Variants in MICAL2 observed in about 807,000 individuals in gnomAD.
The protein encoded by MICAL2 is microtubule associated monooxygenase, calponin and LIM domain containing 2, also known as [F-actin]-monooxygenase MICAL2.
In MICAL2, 77 loss-of-function variants were observed where a neutral mutation model predicts 127.3. The observed-to-expected ratio is 0.60, with a 90% CI of 0.50 to 0.73. The LOEUF (loss-of-function observed/expected upper bound fraction) is 0.73. Ranked by LOEUF, MICAL2 falls within the 30% of genes least tolerant of loss-of-function variation. The pLI is 0.00. For synonymous variants in MICAL2, 570 were observed against 551.1 expected (o/e 1.03, Z -0.48); for missense variants, 1,351 against 1,434.4 (o/e 0.94, Z 0.94).
At chr11:12,345,116 C>CAAAAAAAAAAAAAAA (rs796748173) in intron 32 of MICAL2, among the ~76,000 whole-genome samples, 3 of 110,568 alleles carry the variant, frequency 2.7e-5, no homozygotes, top group African/African-American at 1.0e-4. Context: ...GAATCCATCT[C>CAAAAAAAAAAAAAAA]AAAAAAAAAA....
At chr11:12,301,998 G>T (rs937883377) in intron 29 of MICAL2, among the ~76,000 whole-genome samples, 6 of 152,194 alleles carry the variant, frequency 3.9e-5, no homozygotes, top group Non-Finnish European at 8.8e-5. Flanking sequence ...CTGTCATCCC[G>T]TGTCGGCTAA....
chr11:12,221,789 G>A (rs2134276659), intron 10 of MICAL2, 30 bp downstream of exon 10: 1 of 1,581,470 alleles, frequency 6.3e-7, no homozygotes, highest in Non-Finnish European at 8.7e-7. Context: ...CTCCTAACTG[G>A]GGGGCAGGGC....
intron 4 of MICAL2, among the ~76,000 whole-genome samples, chr11:12,207,527 T>A (rs1199876512): frequency 2.0e-5 from 3 of 152,152 alleles, no homozygotes; most frequent in Non-Finnish European, 4.4e-5. Flanking sequence ...TGGGGAAAAT[T>A]TCCTACCCAC....
intron 29 of MICAL2, among the ~76,000 whole-genome samples, chr11:12,318,814 G>A (rs1181888661): frequency 6.6e-6 from 1 of 152,154 alleles, no homozygotes; most frequent in Non-Finnish European, 1.5e-5. Context: ...GCACCTGGAA[G>A]ACCTTATCAC....
At chr11:12,127,299 A>C (rs961757127) in intron 1 of MICAL2, among the ~76,000 whole-genome samples, 6 of 152,136 alleles carry the variant, frequency 3.9e-5, no homozygotes, top group African/African-American at 1.4e-4. Flanking sequence ...GGCATTTTAC[A>C]TGTCTGCTCA....
chr11:12,226,324 C>A lies in MICAL2; in HGVS notation c.1842C>A (p.Leu614=). The change falls in exon 14 of 28, where the codon CTC becomes CTA. Residue 614 remains leucine (L), a synonymous_variant. Coordinates refer to ENST00000683283, the MANE Select transcript of MICAL2 (RefSeq NM_001282663.2). ...ACAAGCTCAGCATGGTCATGTACCT[C>A]TCCAAGTTCTACGAGCTCTTCCGGG... ...EPDKLSMVMY[L]SKFYELFRGT... 6.2e-7 allele frequency: 1 copy of A among 1,614,190 alleles called. No homozygotes were observed. The highest frequency in any genetic ancestry group is 8.5e-7 in the Non-Finnish European group (1 of 1,180,004).
intron 2 of MICAL2, among the ~76,000 whole-genome samples, chr11:12,283,240 A>C (rs1429631557): frequency 1.3e-5 from 2 of 151,878 alleles, no homozygotes; most frequent in African/African-American, 4.8e-5. Context: ...AGCTTCATTA[A>C]CCACAATTCT....
chr11:12,203,383 A>C (rs1479634252), intron 3 of MICAL2, among the ~76,000 whole-genome samples: 1 of 152,182 alleles, frequency 6.6e-6, no homozygotes, highest in Non-Finnish European at 1.5e-5. Context: ...TCCCACCAGC[A>C]ATGTATGAGG....
chr11:12,118,508 C>T lies in MICAL2; in HGVS notation c.-149+7782C>T, dbSNP rs1018173351. 4.6e-5 allele frequency among the ~76,000 whole-genome samples: 7 copies of T among 152,296 alleles called. 1 individual carries two copies. Among genetic ancestry groups the T allele is most frequent in the Non-Finnish European group, 1.0e-4 (7 of 68,026 alleles). ...GGCCCACAGGGCTGCAGAGACTTGG[C>T]CATTGTCTCATTTGGCCAAGGCCTA... On this transcript the variant is annotated intron_variant, in intron 1 of 27. Transcript: ENST00000683283.
intron 32 of MICAL2, among the ~76,000 whole-genome samples, chr11:12,347,411 C>G (rs1938972249): frequency 6.6e-6 from 1 of 152,176 alleles, no homozygotes; most frequent in Non-Finnish European, 1.5e-5. Flanking sequence ...ATTTCTCATG[C>G]AATGTAACAT....
At chr11:12,200,166 T>C (rs1005688637) in intron 3 of MICAL2, among the ~76,000 whole-genome samples, 2 of 152,186 alleles carry the variant, frequency 1.3e-5, no homozygotes, top group African/African-American at 4.8e-5. Context: ...AGAGGAACCC[T>C]TGGACTGGCT....
At chr11:12,250,709 C>T (rs908807495) in intron 22 of MICAL2, among the ~76,000 whole-genome samples, 1 of 151,908 alleles carries the variant, frequency 6.6e-6, no homozygotes, top group African/African-American at 2.4e-5. Flanking sequence ...AAAGCAGTCC[C>T]ATGGGACTTT....
intron 26 of MICAL2, 87 bp downstream of exon 26, chr11:12,259,984 C>T (rs1296151012): frequency 6.4e-7 from 1 of 1,563,194 alleles, no homozygotes; most frequent in Non-Finnish European, 8.7e-7. Flanking sequence ...GGGACTCCTG[C>T]AAGCTGCTGG....
chr11:12,266,460 G>A (rs990686445), downstream of MICAL2, among the ~76,000 whole-genome samples: 1 of 152,184 alleles, frequency 6.6e-6, no homozygotes, highest in Non-Finnish European at 1.5e-5. Context: ...AAAGGCTTAA[G>A]TAAGTAAAAG....
At chr11:12,226,939 C>A in intron 14 of MICAL2, 86 bp from the exon 15 acceptor site, 2 of 1,053,534 alleles carry the variant, frequency 1.9e-6, no homozygotes, top group Non-Finnish European at 2.9e-6. Flanking sequence ...AGGCGTGAGC[C>A]ACCACACCCA....
At chr11:12,294,818 C>CCTT (rs1863962451), downstream of MICAL2, 1 of 1,512,500 alleles carries the variant, frequency 6.6e-7, no homozygotes, top group East Asian at 2.4e-5. Flanking sequence ...TCCTCCTCCT[C>CCTT]CTCCTCCTCC....
At chr11:12,212,590 T>G (rs1228994405) in intron 6 of MICAL2, among the ~76,000 whole-genome samples, 1 of 151,858 alleles carries the variant, frequency 6.6e-6, no homozygotes, top group South Asian at 2.1e-4. Context: ...GTGTACTATT[T>G]TCCTCTTTTC....
At chr11:12,281,116 C>T (rs556177730) in intron 2 of MICAL2, 1 of 398,672 alleles carries the variant, frequency 2.5e-6, no homozygotes, top group East Asian at 3.6e-5. Context: ...AGAGAGCCCA[C>T]CAGGCTTGAT....
chr11:12,273,544 G>T (rs1590716927), upstream of MICAL2, among the ~76,000 whole-genome samples: 1 of 143,714 alleles, frequency 7.0e-6, no homozygotes, highest in African/African-American at 2.6e-5. Context: ...CTGCAGACAT[G>T]TTTTTTTTTT....
Sources: gnomAD v4.1 joint callset for allele counts (sites outside exome capture counted in the v4.1 genomes callset) on GRCh38, gnomAD v4.1.1 for gene constraint, MANE v1.5 for transcripts, NCBI Gene and HGNC (gene_info 2026-07-23, HGNC 2026-07-21) for gene names.